Variants in KLF12 observed in about 807,000 individuals in gnomAD.
KLF12 encodes KLF transcription factor 12, also known as Krueppel-like factor 12.
Under a neutral mutation model 37.8 loss-of-function variants are expected in KLF12, and 9 were observed. The ratio of observed to expected loss-of-function variants is 0.24; its 90% confidence interval spans 0.14 to 0.42. KLF12 has a LOEUF of 0.42. Among genes scored for constraint, KLF12 ranks in the 10% least tolerant of loss-of-function variants. KLF12 has a pLI of 1.00. For synonymous variants in KLF12, 208 were observed against 202.1 expected, an observed-to-expected ratio of 1.03 and a Z score of -0.25; for missense variants, 411 against 516.0, an observed-to-expected ratio of 0.80 and a Z score of 1.97.
the KLF12 span, among the ~76,000 whole-genome samples, chr13:74,164,145 TTCTAGTCATGTTTGTCACTG>T: frequency 6.6e-6 from 1 of 152,256 alleles, no homozygotes; most frequent in African/African-American, 2.4e-5. Flanking sequence ...AAGAACTGTA[TTCTAGTCATGTTTGTCACTG>T]TCTAGTCAAA....
intron 1 of KLF12, among the ~76,000 whole-genome samples, chr13:74,078,539 T>G (rs1354517129): frequency 1.3e-5 from 2 of 152,230 alleles, no homozygotes; most frequent in Non-Finnish European, 2.9e-5. Context: ...TTGTAAGGAT[T>G]ACTTGTTATA....
intron 4 of KLF12, among the ~76,000 whole-genome samples, chr13:73,834,689 C>T (rs1293382019): frequency 6.6e-6 from 1 of 152,024 alleles, no homozygotes; most frequent in Non-Finnish European, 1.5e-5. Context: ...TTTTTGTATT[C>T]TTCGTAGAGA....
At chr13:74,269,803 G>A in the KLF12 span, among the ~76,000 whole-genome samples, 2,610 of 152,242 alleles carry the variant, frequency 0.017, 37 homozygotes, top group Non-Finnish European at 0.027. Flanking sequence ...GTGTGTGTGC[G>A]TGATCTAAAT....
chr13:73,716,228 C>T (rs1472916307), intron 6 of KLF12, among the ~76,000 whole-genome samples: 1 of 151,860 alleles, frequency 6.6e-6, no homozygotes, highest in Non-Finnish European at 1.5e-5. Flanking sequence ...ATCTGAATGC[C>T]CCAGTAGAAA....
chr13:74,170,183 G>A, the KLF12 span, among the ~76,000 whole-genome samples: 1 of 151,572 alleles, frequency 6.6e-6, no homozygotes, highest in African/African-American at 2.4e-5. Context: ...GCAAGAAGAA[G>A]AAAGTACATT....
At position 73,695,567 on chromosome 13, in the gene KLF12, T is replaced by C. The variant is rs1332469280; in HGVS notation, c.1132A>G (p.Lys378Glu). The C allele has an allele frequency of 1.2e-6, 2 of 1,614,150 alleles. No individual in the cohort carries two copies. Among genetic ancestry groups the C allele is most frequent in the Non-Finnish European group, 1.7e-6 (2 of 1,179,976 alleles). Residue 378 changes from lysine (K) to glutamate (E), a missense_variant, in exon 8 of 8, where the codon AAG becomes GAG. Transcript: ENST00000377669. ...AAGCTGCGATCACAGTCCGCGCACT[T>C]GAATGGCTTCACTCCCGTATGTTTG... is the stretch of plus-strand genomic sequence containing the variant.
At chr13:74,218,057 C>T in the KLF12 span, among the ~76,000 whole-genome samples, 6 of 152,126 alleles carry the variant, frequency 3.9e-5, no homozygotes, top group Admixed American at 6.5e-5. Context: ...ATGAGACAAG[C>T]GGCCAAAAAA....
At chr13:73,902,755 C>A (rs1888095559) in intron 3 of KLF12, among the ~76,000 whole-genome samples, 1 of 152,172 alleles carries the variant, frequency 6.6e-6, no homozygotes, top group African/African-American at 2.4e-5. Context: ...TACTAAATAT[C>A]CCACTTCACT....
intron 1 of KLF12, among the ~76,000 whole-genome samples, chr13:74,032,335 C>A (rs1318731864): frequency 6.6e-6 from 1 of 152,084 alleles, no homozygotes; most frequent in Non-Finnish European, 1.5e-5. Context: ...TAGATAATTG[C>A]ATCTAGATAC....
At chr13:73,786,757 C>CAAAAAAAA (rs10568058) in intron 5 of KLF12, among the ~76,000 whole-genome samples, 1 of 119,212 alleles carries the variant, frequency 8.4e-6, no homozygotes, top group East Asian at 2.5e-4. Flanking sequence ...ATTACAAATA[C>CAAAAAAAA]AAAAAAAAAA....
At chr13:74,174,183 G>T in the KLF12 span, among the ~76,000 whole-genome samples, 1 of 152,064 alleles carries the variant, frequency 6.6e-6, no homozygotes, top group Non-Finnish European at 1.5e-5. Flanking sequence ...TGCCATCTTT[G>T]TCAGGCAGAA....
At chr13:74,172,839 T>C in the KLF12 span, among the ~76,000 whole-genome samples, 1 of 152,220 alleles carries the variant, frequency 6.6e-6, no homozygotes, top group African/African-American at 2.4e-5. Flanking sequence ...GTAATTGATG[T>C]TGGGGTGGCA....
intron 5 of KLF12, among the ~76,000 whole-genome samples, chr13:73,777,779 A>G (rs1880708517): frequency 6.6e-6 from 1 of 151,708 alleles, no homozygotes; most frequent in Non-Finnish European, 1.5e-5. Flanking sequence ...GAAAAAGACT[A>G]ATATCTAGGT....
intron 6 of KLF12, among the ~76,000 whole-genome samples, chr13:73,738,782 G>A (rs753923240): frequency 1.2e-4 from 19 of 152,274 alleles, no homozygotes; most frequent in Middle Eastern, 3.4e-3. Flanking sequence ...ACTGATGACT[G>A]TTACTTCTGA....
the KLF12 span, among the ~76,000 whole-genome samples, chr13:74,178,836 T>C: frequency 1.2e-4 from 18 of 152,158 alleles, no homozygotes; most frequent in African/African-American, 4.3e-4. Context: ...TGCAATACCT[T>C]CTTTCACTAG....
At chr13:74,270,772 G>T in the KLF12 span, among the ~76,000 whole-genome samples, 2 of 152,164 alleles carry the variant, frequency 1.3e-5, no homozygotes, top group African/African-American at 4.8e-5. Flanking sequence ...CTTGGGGCTG[G>T]TATCTGAAGT....
the KLF12 span, among the ~76,000 whole-genome samples, chr13:74,165,299 C>CTTTT: frequency 6.4e-4 from 63 of 98,122 alleles, no homozygotes; most frequent in South Asian, 1.5e-3. Context: ...ATTTTCTTTT[C>CTTTT]TTTTTTTTTT....
At chr13:73,876,324 C>T (rs1886702834) in intron 3 of KLF12, among the ~76,000 whole-genome samples, 1 of 152,124 alleles carries the variant, frequency 6.6e-6, no homozygotes, top group Admixed American at 6.5e-5. Flanking sequence ...AGTGGCTACT[C>T]TCAGGTCCTT....
At position 73,715,443 on chromosome 13, in the gene KLF12, T is replaced by G. The variant is rs1875723966; in HGVS notation, c.952A>C (p.Arg318=). The G allele has an allele frequency of 5.6e-6, 9 of 1,614,118 alleles. No individual in the cohort carries two copies. The highest frequency in any genetic ancestry group is 7.6e-6 in the Non-Finnish European group (9 of 1,179,966). Residue 318 remains arginine (R), a synonymous_variant, in exon 7 of 8, where the codon AGA becomes CGA. Coordinates refer to ENST00000377669, the MANE Select transcript of KLF12 (RefSeq NM_007249.5). ...TTGTTGCATCCCTCAAAATCACATC[T>G]GTGGATACGCCGTTTTCTGGAGTCT...
Sources: gnomAD v4.1 joint callset for allele counts (sites outside exome capture counted in the v4.1 genomes callset) on GRCh38, gnomAD v4.1.1 for gene constraint, MANE v1.5 for transcripts, NCBI Gene and HGNC (gene_info 2026-07-23, HGNC 2026-07-21) for gene names.